The following SRPK1 variants were observed in gnomAD, a reference collection of about 807,000 sequenced individuals.
SRPK1 encodes SFRS protein kinase 1.
In SRPK1, 52 loss-of-function variants were observed where a neutral mutation model predicts 89.5. That is an observed-to-expected ratio of 0.58 (90% confidence interval 0.46 to 0.73). The LOEUF (loss-of-function observed/expected upper bound fraction) is 0.73, where lower values mean the gene tolerates loss of function less well. Ranked by LOEUF, SRPK1 falls within the 30% of genes least tolerant of loss-of-function variation. SRPK1 has a pLI of 0.00. For synonymous variants in SRPK1, 255 were observed against 270.2 expected, an observed-to-expected ratio of 0.94 and a Z score of 0.55; for missense variants, 603 against 780.6, an observed-to-expected ratio of 0.77 and a Z score of 2.71.
chr6:35,920,764 C>G (rs960508643), intron 1 of SRPK1: 1 of 339,024 alleles, frequency 2.9e-6, no homozygotes, highest in African/African-American at 2.2e-5. Context: ...GGGTGGGGGT[C>G]TGCGTCGCCC....
intron 10 of SRPK1, 55 bp from the exon 11 acceptor site, chr6:35,869,956 C>G: frequency 6.8e-7 from 1 of 1,476,452 alleles, no homozygotes; most frequent in South Asian, 1.4e-5. Flanking sequence ...AGTGAAAGAA[C>G]AGAAACATTT....
intron 2 of SRPK1, among the ~76,000 whole-genome samples, chr6:35,916,430 A>C (rs1176932372): frequency 6.6e-6 from 1 of 152,140 alleles, no homozygotes; most frequent in Non-Finnish European, 1.5e-5. Context: ...AAGTGTAAAA[A>C]GCATCAAATA....
At chr6:35,879,740 T>C (rs2127252339) in intron 6 of SRPK1, among the ~76,000 whole-genome samples, 1 of 152,270 alleles carries the variant, frequency 6.6e-6, no homozygotes, top group Non-Finnish European at 1.5e-5. Flanking sequence ...AAAGACTTGA[T>C]GCAGACCTAC....
intron 2 of SRPK1, among the ~76,000 whole-genome samples, chr6:35,900,023 A>T (rs917427571): frequency 7.3e-5 from 11 of 151,546 alleles, no homozygotes; most frequent in East Asian, 1.9e-4. Context: ...ATAATAATAA[A>T]AAAATAAAAA....
intron 2 of SRPK1, among the ~76,000 whole-genome samples, chr6:35,913,669 G>A (rs950206342): frequency 5.4e-4 from 82 of 151,702 alleles, no homozygotes; most frequent in South Asian, 8.3e-4. Context: ...GTGGTGGCAC[G>A]CACCTGTAAT....
At chr6:35,917,421 A>G (rs1375815052) in intron 2 of SRPK1, among the ~76,000 whole-genome samples, 2 of 152,254 alleles carry the variant, frequency 1.3e-5, no homozygotes, top group African/African-American at 4.8e-5. Context: ...GTAATCTGAC[A>G]AACCTCAATT....
intron 3 of SRPK1, among the ~76,000 whole-genome samples, chr6:35,889,968 T>G (rs1479457245): frequency 3.5e-5 from 5 of 143,146 alleles, no homozygotes; most frequent in African/African-American, 1.3e-4. Context: ...ATTAGCCGGG[T>G]ATGGTGGCGG....
intron 12 of SRPK1, 105 bp downstream of exon 12, chr6:35,868,905 G>A: frequency 1.2e-6 from 1 of 808,620 alleles, no homozygotes; most frequent in Non-Finnish European, 1.9e-6. Flanking sequence ...CTGAAGTGTT[G>A]TATCAATCTG....
chr6:35,916,921 G>A (rs375546376), intron 2 of SRPK1, among the ~76,000 whole-genome samples: 47 of 152,238 alleles, frequency 3.1e-4, no homozygotes, highest in African/African-American at 1.0e-3. Flanking sequence ...TTAGCCGGGC[G>A]TGGTGGCAGG....
At chr6:35,893,021 T>C (rs1770553419) in intron 2 of SRPK1, among the ~76,000 whole-genome samples, 1 of 152,204 alleles carries the variant, frequency 6.6e-6, no homozygotes, top group South Asian at 2.1e-4. Flanking sequence ...TAAAACTGCA[T>C]GATTCAATGT....
intron 2 of SRPK1, among the ~76,000 whole-genome samples, chr6:35,903,027 C>A (rs573437774): frequency 6.6e-6 from 1 of 151,962 alleles, no homozygotes; most frequent in South Asian, 2.1e-4. Flanking sequence ...ACCTATAATC[C>A]CAGCACTTTG....
At chr6:35,845,755 A>C (rs1769413016) in intron 13 of SRPK1, among the ~76,000 whole-genome samples, 1 of 152,218 alleles carries the variant, frequency 6.6e-6, no homozygotes, top group African/African-American at 2.4e-5. Context: ...CATGTCCATC[A>C]TCTGTATCAA....
At chr6:35,893,840 G>A (rs151242733) in intron 2 of SRPK1, among the ~76,000 whole-genome samples, 3,159 of 151,948 alleles carry the variant, frequency 0.021, 120 homozygotes, top group African/African-American at 0.072. Context: ...GTGAAACCCC[G>A]TCTCTACTAA....
At chr6:35,860,430 G>A (rs1429544838) in intron 12 of SRPK1, among the ~76,000 whole-genome samples, 2 of 152,166 alleles carry the variant, frequency 1.3e-5, no homozygotes, top group South Asian at 2.1e-4. Flanking sequence ...CCGGAATAAA[G>A]TGTGCCACAT....
At chr6:35,911,870 T>G (rs1199992398) in intron 2 of SRPK1, among the ~76,000 whole-genome samples, 1 of 152,178 alleles carries the variant, frequency 6.6e-6, no homozygotes, top group East Asian at 1.9e-4. Flanking sequence ...ACTCCAATTT[T>G]GAAATAAGTT....
chr6:35,889,773 G>A (rs1485359887), intron 3 of SRPK1, among the ~76,000 whole-genome samples: 8 of 146,448 alleles, frequency 5.5e-5, no homozygotes, highest in African/African-American at 1.0e-4. Flanking sequence ...GACAGAGCCA[G>A]ACTCTGTCTC....
intron 3 of SRPK1, among the ~76,000 whole-genome samples, chr6:35,889,851 C>A (rs1770482228): frequency 6.7e-6 from 1 of 150,368 alleles, no homozygotes; most frequent in Admixed American, 6.7e-5. Context: ...GTAATCCCAG[C>A]ACTTTGGGAG....
intron 2 of SRPK1, chr6:35,920,137 T>TA (rs771740508): frequency 2.8e-5 from 14 of 495,164 alleles, no homozygotes; most frequent in South Asian, 2.2e-4. Context: ...AACAGACCGA[T>TA]AATGATCTAC....
At chr6:35,889,672 T>A (rs1770478048) in intron 3 of SRPK1, among the ~76,000 whole-genome samples, 1 of 152,094 alleles carries the variant, frequency 6.6e-6, no homozygotes, top group African/African-American at 2.4e-5. Flanking sequence ...TAGTCCCAGC[T>A]ACTCGGGAGG....
Sources: allele counts gnomAD v4.1 joint callset (sites outside exome capture counted in the v4.1 genomes callset), GRCh38; gene constraint gnomAD v4.1.1; transcripts MANE v1.5; gene names NCBI Gene and HGNC (gene_info 2026-07-23, HGNC 2026-07-21).